The following DPYD variants were observed in gnomAD, a reference collection of about 807,000 sequenced individuals.
DPYD encodes the protein dihydropyrimidine dehydrogenase.
A neutral mutation model predicts 116.2 loss-of-function variants in DPYD; 109 were observed. The observed-to-expected ratio is 0.94, with a 90% CI of 0.80 to 1.10. The LOEUF (loss-of-function observed/expected upper bound fraction) is 1.10. Among genes scored for constraint, DPYD ranks in the 50% least tolerant of loss-of-function variants. The pLI is 0.00. For synonymous variants in DPYD, 440 were observed against 432.0 expected (o/e 1.02, Z -0.23); for missense variants, 1,302 against 1,254.5 (o/e 1.04, Z -0.57).
At chr1:97,491,895 G>A (rs1678996503) in intron 13 of DPYD, among the ~76,000 whole-genome samples, 1 of 152,080 alleles carries the variant, frequency 6.6e-6, no homozygotes. Flanking sequence ...TTCCGGGGTA[G>A]CACTGCCTTT....
chr1:97,374,739 A>C (rs1234340343), intron 15 of DPYD, among the ~76,000 whole-genome samples: 1 of 130,356 alleles, frequency 7.7e-6, no homozygotes, highest in Non-Finnish European at 1.8e-5. Flanking sequence ...AAAAAAAAAA[A>C]AAAAAAAAAA....
At chr1:97,737,858 G>A (rs1488853883) in intron 4 of DPYD, among the ~76,000 whole-genome samples, 4 of 152,088 alleles carry the variant, frequency 2.6e-5, no homozygotes, top group Non-Finnish European at 4.4e-5. Context: ...AATTTCTGCT[G>A]CTTCGATTTT....
intron 10 of DPYD, among the ~76,000 whole-genome samples, chr1:97,588,796 A>G (rs1386625755): frequency 6.6e-6 from 1 of 152,170 alleles, no homozygotes; most frequent in Non-Finnish European, 1.5e-5. Flanking sequence ...AGACACTTGG[A>G]ATCAGAATTA....
At chr1:97,131,336 T>C (rs1653323521) in intron 20 of DPYD, among the ~76,000 whole-genome samples, 1 of 152,166 alleles carries the variant, frequency 6.6e-6, no homozygotes, top group African/African-American at 2.4e-5. Flanking sequence ...TTCCCTGCTA[T>C]AATCCTCATA....
intron 7 of DPYD, among the ~76,000 whole-genome samples, chr1:97,690,424 T>C (rs1311292865): frequency 6.6e-6 from 1 of 151,892 alleles, no homozygotes; most frequent in Non-Finnish European, 1.5e-5. Flanking sequence ...TAAAGCCTAA[T>C]TTCTTTTTTC....
intron 5 of DPYD, among the ~76,000 whole-genome samples, chr1:97,699,957 A>G (rs946810285): frequency 2.0e-5 from 3 of 152,124 alleles, no homozygotes; most frequent in African/African-American, 7.2e-5. Context: ...CCCTTGCATT[A>G]TAGGAGTTAG....
chr1:97,463,793 G>T (rs2101830449), intron 13 of DPYD, among the ~76,000 whole-genome samples: 1 of 152,286 alleles, frequency 6.6e-6, no homozygotes. Flanking sequence ...TTTTGCCCCT[G>T]CCCTAGAGAT....
At chr1:97,318,939 G>A (rs1411090519) in intron 16 of DPYD, among the ~76,000 whole-genome samples, 12 of 135,262 alleles carry the variant, frequency 8.9e-5, no homozygotes, top group Middle Eastern at 3.6e-3. Context: ...ACTCAAAGCC[G>A]CTCAACTACA....
At chr1:97,498,841 AACAT>A (rs1192854589) in intron 13 of DPYD, among the ~76,000 whole-genome samples, 1 of 151,706 alleles carries the variant, frequency 6.6e-6, no homozygotes, top group Non-Finnish European at 1.5e-5. Context: ...AGTGATAATG[AACAT>A]ACAATGTATT....
intron 13 of DPYD, among the ~76,000 whole-genome samples, chr1:97,512,634 G>A (rs780336030): frequency 2.0e-5 from 3 of 151,786 alleles, no homozygotes; most frequent in Non-Finnish European, 4.4e-5. Flanking sequence ...GTGAACACAG[G>A]TCAAGGGGTT....
intron 14 of DPYD, among the ~76,000 whole-genome samples, chr1:97,428,582 T>C (rs1675002797): frequency 6.6e-6 from 1 of 152,048 alleles, no homozygotes; most frequent in Non-Finnish European, 1.5e-5. Context: ...CGGGAGATCC[T>C]ATGCTAGTAG....
chr1:97,620,449 C>T (rs1489445808), intron 8 of DPYD, among the ~76,000 whole-genome samples: 1 of 152,148 alleles, frequency 6.6e-6, no homozygotes, highest in Non-Finnish European at 1.5e-5. Context: ...CTCCTGGCCT[C>T]AATTGATCCT....
intron 1 of DPYD, among the ~76,000 whole-genome samples, chr1:97,901,862 A>T (rs190585849): frequency 3.4e-4 from 52 of 152,000 alleles, no homozygotes; most frequent in Admixed American, 1.1e-3. Context: ...CTCTGGTATC[A>T]AAAATACATT....
chr1:97,576,621 T>C (rs934348546), intron 10 of DPYD, among the ~76,000 whole-genome samples: 20 of 152,370 alleles, frequency 1.3e-4, no homozygotes, highest in Admixed American at 5.2e-4. Flanking sequence ...TGTTTAGTAA[T>C]GTTCTCACCA....
At chr1:97,489,306 G>A (rs1183164468) in intron 13 of DPYD, among the ~76,000 whole-genome samples, 2 of 152,166 alleles carry the variant, frequency 1.3e-5, no homozygotes, top group Non-Finnish European at 2.9e-5. Flanking sequence ...AAGGCAAAAA[G>A]CTCAAATCTA....
intron 3 of DPYD, among the ~76,000 whole-genome samples, chr1:97,776,420 C>T (rs1666410204): frequency 6.6e-6 from 1 of 152,130 alleles, no homozygotes; most frequent in Non-Finnish European, 1.5e-5. Context: ...TTTCAGTATG[C>T]TCCAGGATGT....
At chr1:97,518,821 A>C (rs567230396) in intron 12 of DPYD, among the ~76,000 whole-genome samples, 1 of 152,258 alleles carries the variant, frequency 6.6e-6, no homozygotes, top group Non-Finnish European at 1.5e-5. Flanking sequence ...AATGATACAG[A>C]AGAAAATAAT....
At position 97,083,535 on chromosome 1, in the gene DPYD, A is replaced by T. The variant is rs541266712; in HGVS notation, c.2767-1065T>A. Among the ~76,000 whole-genome samples the T allele has an allele frequency of 1.8e-4, 28 of 152,228 alleles. No individual in the cohort carries two copies. The East Asian group carries it at 5.4e-3, about 29-fold the overall frequency. ...TCCTTTGTGTATCTTTCAAGTGATA[A>T]GATGCTAGAAAACTTCCAATATTGT... On this transcript the variant is annotated intron_variant, in intron 21 of 22. Transcript: ENST00000370192.
At chr1:97,628,253 A>G (rs1320744798) in intron 8 of DPYD, among the ~76,000 whole-genome samples, 1 of 152,002 alleles carries the variant, frequency 6.6e-6, no homozygotes, top group Non-Finnish European at 1.5e-5. Context: ...TTTTGCTGTA[A>G]GGACCTATTT....
Sources: allele counts gnomAD v4.1 joint callset (sites outside exome capture counted in the v4.1 genomes callset), GRCh38; gene constraint gnomAD v4.1.1; transcripts MANE v1.5; gene names NCBI Gene and HGNC (gene_info 2026-07-23, HGNC 2026-07-21).